ARID1B: variants seen among roughly 807,000 people sequenced by gnomAD.
ARID1B encodes the protein AT-rich interaction domain 1B.
ARID1B carries 30 observed loss-of-function variants against 212.3 expected under a neutral mutation model. That is an observed-to-expected ratio of 0.14 (90% CI 0.11 to 0.19). ARID1B has a LOEUF of 0.19. Among genes scored for constraint, ARID1B ranks in the 10% least tolerant of loss-of-function variants. ARID1B has a pLI of 1.00. For missense variants in ARID1B, 2,891 were observed against 3,204.0 expected, an observed-to-expected ratio of 0.90 and a Z score of 2.36; for synonymous variants, 1,402 against 1,301.7, an observed-to-expected ratio of 1.08 and a Z score of -1.66.
intron 8 of ARID1B, 101 bp from the exon 9 acceptor site, chr6:157,166,939 C>T: frequency 2.0e-6 from 3 of 1,464,952 alleles, no homozygotes; most frequent in Non-Finnish European, 2.7e-6. Context: ...AAGTTATAGC[C>T]CCACCCCTTA....
chr6:157,154,876 C>T (rs796276496), intron 8 of ARID1B, among the ~76,000 whole-genome samples: 65 of 152,210 alleles, frequency 4.3e-4, no homozygotes, highest in Middle Eastern at 3.4e-3. Context: ...CTACTGCGCC[C>T]GGCCTGTTGC....
chr6:156,915,577 T>TAA (rs111379557), intron 3 of ARID1B, among the ~76,000 whole-genome samples: 2 of 137,470 alleles, frequency 1.5e-5, no homozygotes, highest in South Asian at 2.3e-4. Flanking sequence ...CAAAAAAAAT[T>TAA]AAAAAAAAAA....
chr6:156,853,448 C>A (rs1784710820), intron 2 of ARID1B, among the ~76,000 whole-genome samples: 1 of 152,128 alleles, frequency 6.6e-6, no homozygotes, highest in Non-Finnish European at 1.5e-5. Context: ...GAGGCAGTGG[C>A]TTAACCTGGG....
rs80328201 is a variant in ARID1B, at chr6:156,911,379, C to T, written c.2136+9854C>T. On this transcript the variant is annotated intron_variant, in intron 3 of 19. Coordinates refer to ENST00000636930, the MANE Select transcript of ARID1B (RefSeq NM_001374828.1). ...TTTTTTGCTTTGTTTTTAAATATAC[C>T]CAAACTTTGGCACTTTTGAAAGTAG... Among the ~76,000 whole-genome samples the T allele has an allele frequency of 7.4e-3, 1,056 of 142,888 alleles. 16 individuals carry two copies. The highest frequency in any genetic ancestry group is 0.026 in the African/African-American group (1,000 of 37,968). The allele number at this position is 142,888 out of a possible 152,430, so 93.7% of individuals were successfully genotyped here.
chr6:156,778,715 G>A lies in ARID1B; in HGVS notation c.1035G>A (p.Gly345=), dbSNP rs1433780871. ...FDQHGGQQSP[G]MGMMHSASAA... is the part of the protein sequence containing the mutation. ...AACATGGCGGACAACAAAGCCCCGG[G>A]ATGGGGATGATGCACTCCGCCTCCG... Residue 345 remains glycine (G), a synonymous_variant, in exon 1 of 20, where the codon GGG becomes GGA. Transcript: ENST00000636930. 2.0e-6 allele frequency: 3 copies of A among 1,523,696 alleles called. No homozygotes were observed. Among genetic ancestry groups the A allele is most frequent in the Non-Finnish European group, 2.6e-6 (3 of 1,134,172 alleles). 94.4% of individuals were successfully genotyped at this position (1,523,696 alleles called of 1,614,324 possible).
intron 4 of ARID1B, among the ~76,000 whole-genome samples, chr6:157,073,950 T>C (rs1344415065): frequency 1.3e-5 from 2 of 152,166 alleles, no homozygotes; most frequent in African/African-American, 2.4e-5. Context: ...TGGAGGCCGG[T>C]AGGGTTTGAC....
At chr6:157,054,266 C>T (rs1782795782) in intron 4 of ARID1B, among the ~76,000 whole-genome samples, 1 of 151,658 alleles carries the variant, frequency 6.6e-6, no homozygotes, top group African/African-American at 2.4e-5. Context: ...TGATTCTTTG[C>T]CTTAGATTAG....
Position 157,121,574 on chromosome 6 carries a change from A to C in ARID1B, c.2581+11013A>C, listed in dbSNP as rs188240649. 1.3e-4 allele frequency among the ~76,000 whole-genome samples: 20 copies of C among 149,934 alleles called. No homozygotes were observed. The East Asian group carries it at 3.9e-3, about 29-fold the overall frequency. On this transcript the variant is annotated intron_variant, in intron 6 of 19. Transcript: ENST00000636930. ...CATCTGCTAAGGTTTAGAAAGCAAC[A>C]TTGGATCTTTGCTGTAAAGATTATC...
chr6:156,901,778 A>C (rs924737262), intron 3 of ARID1B: 3 of 541,870 alleles, frequency 5.5e-6, no homozygotes, highest in Non-Finnish European at 9.7e-6. Flanking sequence ...AGAAAGTGTC[A>C]GTCATTGCTT....
At chr6:157,160,704 C>T (rs966663467) in intron 8 of ARID1B, among the ~76,000 whole-genome samples, 5 of 152,216 alleles carry the variant, frequency 3.3e-5, no homozygotes, top group African/African-American at 1.2e-4. Context: ...ATAAGCCTGG[C>T]CCCGCACCAC....
rs147637655 is a variant in ARID1B at position 157,132,459 on chromosome 6, G to T, written c.2582-569G>T. Among the ~76,000 whole-genome samples the T allele has an allele frequency of 5.1e-3, 777 of 152,310 alleles. 5 individuals carry two copies. Among genetic ancestry groups the T allele is most frequent in the Middle Eastern group, 0.027 (8 of 294 alleles). ...CAGTTGACCTGTAAGGGGTAGTGCCGAGTCAGGTATTCAGAAGTCTGCAGG... is the reference window on the plus strand; with the variant it reads ...CAGTTGACCTGTAAGGGGTAGTGCCTAGTCAGGTATTCAGAAGTCTGCAGG... On this transcript the variant is annotated intron_variant, in intron 6 of 19. Transcript: ENST00000636930.
chr6:157,038,530 T>C (rs2128511246), intron 4 of ARID1B, among the ~76,000 whole-genome samples: 1 of 152,282 alleles, frequency 6.6e-6, no homozygotes, highest in East Asian at 1.9e-4. Context: ...AAATTAATAC[T>C]TTATAAATAC....
intron 3 of ARID1B, among the ~76,000 whole-genome samples, chr6:156,930,252 T>G (rs1791588884): frequency 6.6e-6 from 1 of 152,128 alleles, no homozygotes. Context: ...TTGGTGCTGT[T>G]CTCGTGATAG....
At chr6:156,936,855 A>C (rs1792275174) in intron 4 of ARID1B, 1 of 152,178 alleles carries the variant, frequency 6.6e-6, no homozygotes, top group Non-Finnish European at 1.5e-5. Flanking sequence ...ATTTGAGAAC[A>C]GACATTTGTA....
rs118028185 is a variant in ARID1B, at chr6:156,969,185, A to C, written c.2247+33609A>C. On this transcript the variant is annotated intron_variant, in intron 4 of 19. Transcript: ENST00000636930. ...TAACTTATTTATAAATTATTACCTC[A>C]GTGGACACTGAGTAAAGACATATCT... Among the ~76,000 whole-genome samples, 229 of 152,366 alleles carry C rather than the reference A, an allele frequency of 1.5e-3. 2 individuals carry two copies. The highest frequency in any genetic ancestry group is 3.4e-3 in the Middle Eastern group (1 of 294).
At chr6:156,784,334 A>C (rs1210508468) in intron 1 of ARID1B, among the ~76,000 whole-genome samples, 5 of 152,226 alleles carry the variant, frequency 3.3e-5, no homozygotes, top group African/African-American at 1.2e-4. Context: ...TTCCTCTACC[A>C]AGAATATATT....
rs377021700 is a variant in ARID1B, at chr6:157,200,734, C to T, written c.4509C>T (p.Tyr1503=). 3.0e-5 allele frequency: 49 copies of T among 1,612,126 alleles called. No homozygotes were observed. The highest frequency in any genetic ancestry group is 5.5e-5 in the South Asian group (5 of 90,812). ...PNYKRHMDGM[Y]GPPAKRHEGD... ...ACAAACGCCATATGGACGGCATGTA[C>T]GGGCCCCCAGCCAAGCGCCACGAGG... The change falls in exon 18 of 20, where the codon TAC becomes TAT. Residue 1503 remains tyrosine, a synonymous_variant. Coordinates refer to ENST00000636930, the MANE Select transcript of ARID1B (RefSeq NM_001374828.1). The surrounding 1 kb of genome is among the most constrained non-coding windows in gnomAD (Gnocchi z 4.3).
At chr6:156,779,752 G>C (rs1271425535) in intron 1 of ARID1B, 1 of 157,136 alleles carries the variant, frequency 6.4e-6, no homozygotes, top group Non-Finnish European at 1.4e-5. Flanking sequence ...CCCCAGGCCC[G>C]GGAACGCGAA....
At chr6:157,136,541 C>T (rs1212830160) in intron 7 of ARID1B, among the ~76,000 whole-genome samples, 1 of 152,106 alleles carries the variant, frequency 6.6e-6, no homozygotes, top group Non-Finnish European at 1.5e-5. Flanking sequence ...CTTTAAGGAG[C>T]AAGAAACAGG....
Sources: gnomAD v4.1 joint callset for allele counts (sites outside exome capture counted in the v4.1 genomes callset) on GRCh38, gnomAD v4.1.1 for gene constraint, Gnocchi (gnomAD v3.1) non-coding constraint, MANE v1.5 for transcripts, NCBI Gene and HGNC (gene_info 2026-07-23, HGNC 2026-07-21) for gene names.